The following EHBP1 variants were observed in gnomAD, a reference collection of about 807,000 sequenced individuals.
EHBP1 encodes the protein EH domain binding protein 1.
A neutral mutation model predicts 144.0 loss-of-function variants in EHBP1; 55 were observed. That is an observed-to-expected ratio of 0.38 (90% confidence interval 0.31 to 0.48). The LOEUF (loss-of-function observed/expected upper bound fraction) is 0.48. EHBP1 is among the 20% of genes least tolerant of loss of function. The pLI is 0.98. For synonymous variants in EHBP1, 469 were observed against 472.7 expected (o/e 0.99, Z 0.10); for missense variants, 1,200 against 1,364.2 (o/e 0.88, Z 1.90).
At chr2:62,902,400 A>G (rs2053482274) in intron 10 of EHBP1, among the ~76,000 whole-genome samples, 1 of 152,246 alleles carries the variant, frequency 6.6e-6, no homozygotes, top group Admixed American at 6.5e-5. Flanking sequence ...GAGTAAAAAT[A>G]GTCCAGAATA....
chr2:62,786,571 A>C (rs1459295447), intron 5 of EHBP1, among the ~76,000 whole-genome samples: 1 of 152,168 alleles, frequency 6.6e-6, no homozygotes, highest in Non-Finnish European at 1.5e-5. Context: ...CTATGTAGAA[A>C]ATATATCAAT....
At chr2:62,715,600 A>G (rs2035596347) in intron 2 of EHBP1, among the ~76,000 whole-genome samples, 1 of 152,104 alleles carries the variant, frequency 6.6e-6, no homozygotes, top group African/African-American at 2.4e-5. Context: ...TATGAGGGGA[A>G]TTGATGTGTA....
At chr2:63,003,670 A>G (rs951523048) in intron 19 of EHBP1, among the ~76,000 whole-genome samples, 11 of 152,064 alleles carry the variant, frequency 7.2e-5, no homozygotes, top group Admixed American at 4.6e-4. Flanking sequence ...TCACTTTCTA[A>G]CAACTCTTAA....
intron 10 of EHBP1, among the ~76,000 whole-genome samples, chr2:62,906,825 T>C (rs2152963081): frequency 6.6e-6 from 1 of 152,320 alleles, no homozygotes; most frequent in Non-Finnish European, 1.5e-5. Context: ...ATTTCAAGAA[T>C]GTAATATAAA....
intron 5 of EHBP1, among the ~76,000 whole-genome samples, chr2:62,816,245 T>G (rs748134836): frequency 2.0e-5 from 3 of 152,170 alleles, no homozygotes; most frequent in East Asian, 1.9e-4. Context: ...TAGAGAGAGA[T>G]AAAGACATTG....
intron 2 of EHBP1, among the ~76,000 whole-genome samples, chr2:62,736,663 C>T (rs943084407): frequency 1.3e-5 from 2 of 152,144 alleles, no homozygotes; most frequent in Non-Finnish European, 2.9e-5. Context: ...TGATCTCTAG[C>T]ATTTTATTTT....
At chr2:62,806,318 A>C (rs1013622174) in intron 5 of EHBP1, among the ~76,000 whole-genome samples, 1 of 151,398 alleles carries the variant, frequency 6.6e-6, no homozygotes, top group Admixed American at 6.6e-5. Flanking sequence ...CTTGTTCTTT[A>C]TATCTGTTTT....
At chr2:63,009,994 C>G (rs2060202999) in intron 19 of EHBP1, among the ~76,000 whole-genome samples, 1 of 151,362 alleles carries the variant, frequency 6.6e-6, no homozygotes, top group African/African-American at 2.4e-5. Flanking sequence ...TCCCCTCCCC[C>G]CAAAATTTTG....
intron 19 of EHBP1, among the ~76,000 whole-genome samples, chr2:63,019,088 A>G (rs759154180): frequency 1.3e-5 from 2 of 152,204 alleles, no homozygotes; most frequent in African/African-American, 2.4e-5. Flanking sequence ...GGGCCAAGAC[A>G]GTGATTCTCA....
chr2:62,969,605 T>C (rs545025601), intron 14 of EHBP1, among the ~76,000 whole-genome samples: 1 of 152,182 alleles, frequency 6.6e-6, no homozygotes, highest in Non-Finnish European at 1.5e-5. Context: ...CTGTTTACTA[T>C]TTTTCCTATG....
intron 7 of EHBP1, among the ~76,000 whole-genome samples, chr2:62,855,116 T>C (rs1360640537): frequency 2.0e-5 from 3 of 152,154 alleles, no homozygotes; most frequent in Non-Finnish European, 2.9e-5. Flanking sequence ...CATCCCTGCA[T>C]TCTTGTGGGC....
At chr2:62,808,073 A>T (rs2044655188) in intron 5 of EHBP1, among the ~76,000 whole-genome samples, 1 of 151,476 alleles carries the variant, frequency 6.6e-6, no homozygotes, top group African/African-American at 2.4e-5. Flanking sequence ...AAAAAGAAAG[A>T]AAAGTACATT....
intron 10 of EHBP1, among the ~76,000 whole-genome samples, chr2:62,918,243 A>G (rs1558911741): frequency 6.6e-6 from 1 of 151,870 alleles, no homozygotes; most frequent in South Asian, 2.1e-4. Context: ...TAAACCTGGA[A>G]TTTCTTTCTC....
At chr2:63,004,967 G>T (rs140429541) in intron 19 of EHBP1, among the ~76,000 whole-genome samples, 16 of 152,052 alleles carry the variant, frequency 1.1e-4, no homozygotes, top group Non-Finnish European at 2.2e-4. Flanking sequence ...TCTGAAGCAG[G>T]TGGTCCACAG....
chr2:62,933,390 A>C (rs1162266883), intron 10 of EHBP1, among the ~76,000 whole-genome samples: 1 of 152,142 alleles, frequency 6.6e-6, no homozygotes, highest in Non-Finnish European at 1.5e-5. Flanking sequence ...ATACTTCTCA[A>C]ATGATTAGAG....
At chr2:62,926,774 C>T (rs2055549438) in intron 10 of EHBP1, among the ~76,000 whole-genome samples, 1 of 152,070 alleles carries the variant, frequency 6.6e-6, no homozygotes, top group Non-Finnish European at 1.5e-5. Context: ...CTATGGAGAA[C>T]ACTATGGAGG....
intron 10 of EHBP1, among the ~76,000 whole-genome samples, chr2:62,897,276 T>A (rs912474059): frequency 5.9e-5 from 9 of 152,242 alleles, no homozygotes; most frequent in Admixed American, 6.5e-5. Context: ...TCTTTTCAAT[T>A]TGGTATATGG....
rs758176184 is a variant in EHBP1, at chr2:62,979,169, A to G, written c.2461-19A>G. 4.4e-6 allele frequency: 7 copies of G among 1,595,640 alleles called. No individual in the cohort carries two copies. Among genetic ancestry groups the G allele is most frequent in the Admixed American group, 3.5e-5 (2 of 57,430 alleles). ...ATTTCTGTCAATTACTGAGTTGGCA[A>G]CTGTTCAATATATCTTAGCAGCAAG... On this transcript the variant is annotated intron_variant, in intron 14 of 22. Coordinates refer to ENST00000431489, the MANE Select transcript of EHBP1 (RefSeq NM_001142616.3).
Position 62,864,733 on chromosome 2 carries a change from C to T in EHBP1, c.760C>T (p.Pro254Ser). The change falls in exon 9 of 23, where the codon CCT (proline) becomes TCT (serine). Residue 254 changes from proline to serine, a missense_variant and splice_region_variant. Pro to Ser is a moderately conservative substitution (Grantham distance 74). Transcript: ENST00000431489. ...NPFGDPDSEE[P>S]ITETASPRKT... Reference sequence around the variant, plus strand: ...ATTCATCTGCTATTATTTTATAGAACCTATCACTGAAACAGCTTCACCTAG... The same window carrying T: ...ATTCATCTGCTATTATTTTATAGAATCTATCACTGAAACAGCTTCACCTAG... 16 of 1,607,362 alleles carry T rather than the reference C, an allele frequency of 1.0e-5. No individual in the cohort carries two copies. The highest frequency in any genetic ancestry group is 1.7e-5 in the Admixed American group (1 of 58,936).
Sources: allele counts gnomAD v4.1 joint callset (sites outside exome capture counted in the v4.1 genomes callset), GRCh38; gene constraint gnomAD v4.1.1; transcripts MANE v1.5; gene names NCBI Gene and HGNC (gene_info 2026-07-23, HGNC 2026-07-21).